The following PRTG variants were observed in gnomAD, a reference collection of about 807,000 sequenced individuals.
The protein encoded by PRTG is immunoglobulin superfamily, DCC subclass, member 5.
A neutral mutation model predicts 122.5 loss-of-function variants in PRTG; 67 were observed. The observed-to-expected ratio is 0.55, with a 90% CI of 0.45 to 0.67. The LOEUF (loss-of-function observed/expected upper bound fraction) is 0.67. PRTG is among the 30% of genes least tolerant of loss of function. The pLI is 0.00. For missense variants in PRTG, 1,435 were observed against 1,415.4 expected (o/e 1.01, Z -0.22); for synonymous variants, 554 against 501.1 (o/e 1.11, Z -1.41).
Position 55,619,035 on chromosome 15 carries a change from C to A in PRTG, c.*977G>T, listed in dbSNP as rs1001763962. The A allele has an allele frequency of 2.0e-5, 3 of 151,986 alleles. No homozygotes were observed. The highest frequency in any genetic ancestry group is 7.3e-5 in the African/African-American group (3 of 41,368). 9.4% of individuals were successfully genotyped at this position (151,986 alleles called of 1,614,324 possible). On this transcript the variant is annotated 3_prime_UTR_variant, in exon 20 of 20. Coordinates refer to ENST00000389286, the MANE Select transcript of PRTG (RefSeq NM_173814.6). ...ACCTTAACCCATTTTCTTTAAAAAT[C>A]CATATTCTGCATGGGGTTTTGCAAC...
intron 2 of PRTG, among the ~76,000 whole-genome samples, chr15:55,730,743 T>A (rs1168153647): frequency 6.6e-6 from 1 of 152,052 alleles, no homozygotes; most frequent in African/African-American, 2.4e-5. Flanking sequence ...GAGCTTGCAG[T>A]GAGCCGAGAT....
intron 2 of PRTG, among the ~76,000 whole-genome samples, chr15:55,731,255 T>C (rs1437989981): frequency 2.0e-5 from 3 of 152,136 alleles, no homozygotes; most frequent in Non-Finnish European, 4.4e-5. Flanking sequence ...GTAAGTCCAC[T>C]TTGGGGTCAA....
intron 11 of PRTG, among the ~76,000 whole-genome samples, chr15:55,652,069 A>G (rs1238220560): frequency 6.6e-6 from 1 of 152,228 alleles, no homozygotes. Context: ...AGAAAATAAA[A>G]AAGCATTATT....
At chr15:55,699,392 T>G (rs973444385) in intron 2 of PRTG, among the ~76,000 whole-genome samples, 1 of 152,136 alleles carries the variant, frequency 6.6e-6, no homozygotes, top group Non-Finnish European at 1.5e-5. Flanking sequence ...GAGTAAGAAA[T>G]TAGCAGTGAT....
chr15:55,733,297 G>A (rs1567119610), intron 2 of PRTG, among the ~76,000 whole-genome samples: 1 of 151,996 alleles, frequency 6.6e-6, no homozygotes, highest in Non-Finnish European at 1.5e-5. Flanking sequence ...GATCACCTGA[G>A]GTTGGGAGTT....
At chr15:55,665,516 T>C (rs574383166) in intron 11 of PRTG, among the ~76,000 whole-genome samples, 3 of 151,930 alleles carry the variant, frequency 2.0e-5, no homozygotes, top group Admixed American at 2.0e-4. Flanking sequence ...TGTTTTTTTT[T>C]TTTTTAATCT....
chr15:55,694,429 C>T (rs992277371), intron 2 of PRTG, among the ~76,000 whole-genome samples: 1 of 152,028 alleles, frequency 6.6e-6, no homozygotes, highest in African/African-American at 2.4e-5. Context: ...GTAAACATCA[C>T]TTATGATCAA....
intron 2 of PRTG, among the ~76,000 whole-genome samples, chr15:55,731,366 C>CTT (rs10658460): frequency 0.17 from 17,757 of 103,598 alleles, 1,738 homozygotes; most frequent in East Asian, 0.29. Flanking sequence ...CCTTATCATT[C>CTT]TTTTTTTTTT....
chr15:55,673,330 G>A, intron 10 of PRTG, 41 bp downstream of exon 10: 3 of 1,421,118 alleles, frequency 2.1e-6, no homozygotes, highest in Non-Finnish European at 2.9e-6. Flanking sequence ...TGATTCAAAA[G>A]TAAAAATACT....
chr15:55,663,416 C>A (rs2059420391), intron 11 of PRTG, among the ~76,000 whole-genome samples: 1 of 152,166 alleles, frequency 6.6e-6, no homozygotes, highest in Non-Finnish European at 1.5e-5. Flanking sequence ...TCTGCAACCA[C>A]CACAACCAGA....
intron 15 of PRTG, among the ~76,000 whole-genome samples, chr15:55,634,639 G>C (rs1348768114): frequency 6.6e-6 from 1 of 151,840 alleles, no homozygotes; most frequent in Non-Finnish European, 1.5e-5. Flanking sequence ...TCAGGAGTTC[G>C]AGACCAGCCT....
intron 6 of PRTG, 108 bp from the exon 7 acceptor site, chr15:55,679,553 T>A (rs951869011): frequency 1.3e-6 from 1 of 774,692 alleles, no homozygotes; most frequent in African/African-American, 1.8e-5. Flanking sequence ...TGAAGATGCC[T>A]GACATGCTGA....
chr15:55,639,969 A>T (rs1365163205), intron 12 of PRTG, 141 bp from the exon 13 acceptor site: 26 of 1,456,242 alleles, frequency 1.8e-5, no homozygotes, highest in Non-Finnish European at 2.4e-5. Flanking sequence ...TGATCTAGAG[A>T]TGTATCATCC....
At chr15:55,716,490 G>A (rs890107997) in intron 2 of PRTG, among the ~76,000 whole-genome samples, 31 of 152,248 alleles carry the variant, frequency 2.0e-4, no homozygotes, top group African/African-American at 6.7e-4. Context: ...TCATCGGAAA[G>A]GTTTTGGACT....
At chr15:55,666,729 C>T (rs1014004846) in intron 11 of PRTG, among the ~76,000 whole-genome samples, 1 of 152,152 alleles carries the variant, frequency 6.6e-6, no homozygotes, top group Non-Finnish European at 1.5e-5. Context: ...CATTGCTCTC[C>T]TGGGAGGATA....
chr15:55,678,190 T>C (rs2059514553), intron 7 of PRTG, 146 bp from the exon 8 acceptor site: 2 of 584,086 alleles, frequency 3.4e-6, no homozygotes, highest in Non-Finnish European at 2.9e-6. Flanking sequence ...GCAGCAACTA[T>C]GTGGAATCCT....
intron 17 of PRTG, among the ~76,000 whole-genome samples, chr15:55,625,410 A>G (rs2059189120): frequency 6.6e-6 from 1 of 152,094 alleles, no homozygotes; most frequent in African/African-American, 2.4e-5. Flanking sequence ...TATTCCAGAT[A>G]GTAAGAAAAA....
At position 55,740,664 on chromosome 15, in the gene PRTG, G is replaced by T. The variant is rs776371096; in HGVS notation, c.115C>A (p.Leu39Met). The T allele has an allele frequency of 3.1e-6, 5 of 1,613,082 alleles. No individual in the cohort carries two copies. The African/African-American group carries it at 5.4e-5, about 17-fold the overall frequency. The change falls in exon 2 of 20, where the codon CTG becomes ATG. Residue 39 changes from leucine (L) to methionine (M), a missense_variant. Physicochemically the swap from Leu to Met is conservative, Grantham distance 15. Coordinates refer to ENST00000389286, the MANE Select transcript of PRTG (RefSeq NM_173814.6). ...TCCTGTGGTTCTTTTACAAAAGACA[G>T]TTCGCTAAAGCACCACACTCCTATA... ...PLPGVWCFSE[L>M]SFVKEPQDVT...
At chr15:55,700,554 G>C (rs1250554168) in intron 2 of PRTG, among the ~76,000 whole-genome samples, 1 of 152,108 alleles carries the variant, frequency 6.6e-6, no homozygotes, top group Non-Finnish European at 1.5e-5. Flanking sequence ...GGCAGAGGTG[G>C]GAGGATCACT....
Sources: allele counts gnomAD v4.1 joint callset (sites outside exome capture counted in the v4.1 genomes callset), GRCh38; gene constraint gnomAD v4.1.1; transcripts MANE v1.5; gene names NCBI Gene and HGNC (gene_info 2026-07-23, HGNC 2026-07-21).